The following INPP4B variants were observed in gnomAD, a reference collection of about 807,000 sequenced individuals.
The protein encoded by INPP4B is inositol polyphosphate-4-phosphatase type II B.
Under a neutral mutation model 122.5 loss-of-function variants are expected in INPP4B, and 55 were observed. The observed-to-expected ratio is 0.45, with a 90% CI of 0.36 to 0.56. INPP4B has a LOEUF of 0.56. INPP4B is among the 20% of genes least tolerant of loss of function. The pLI is 0.00. For missense variants in INPP4B, 1,000 were observed against 1,097.7 expected (o/e 0.91, Z 1.26); for synonymous variants, 403 against 388.7 (o/e 1.04, Z -0.43).
chr4:142,227,856 T>TAAAAAAAAAAAAAAAAAAAA (rs60375355), intron 12 of INPP4B, among the ~76,000 whole-genome samples: 7 of 34,216 alleles, frequency 2.0e-4, no homozygotes, highest in African/African-American at 3.2e-4. Flanking sequence ...AGACTCTATC[T>TAAAAAAAAAAAAAAAAAAAA]AAAAAAAAAA....
chr4:142,385,223 C>T (rs1314838417), intron 7 of INPP4B, among the ~76,000 whole-genome samples: 2 of 152,344 alleles, frequency 1.3e-5, no homozygotes, highest in East Asian at 1.9e-4. Flanking sequence ...TACACTCCCA[C>T]TAACAGTGTA....
intron 5 of INPP4B, among the ~76,000 whole-genome samples, chr4:142,408,131 A>G (rs577511821): frequency 6.6e-6 from 1 of 152,340 alleles, no homozygotes; most frequent in South Asian, 2.1e-4. Context: ...CAGTCCCACC[A>G]GACGGCTGAT....
chr4:142,527,751 T>C (rs67641357), intron 2 of INPP4B, among the ~76,000 whole-genome samples: 22,699 of 152,034 alleles, frequency 0.15, 1,743 homozygotes, highest in South Asian at 0.21. Context: ...CTCAGATCTG[T>C]AGGGGTCCTA....
intron 18 of INPP4B, among the ~76,000 whole-genome samples, chr4:142,130,014 G>A (rs1800525465): frequency 6.6e-6 from 1 of 152,186 alleles, no homozygotes; most frequent in South Asian, 2.1e-4. Context: ...ACAGTATAAG[G>A]TGGTATGATA....
chr4:142,727,167 GA>G (rs1179502832), intron 1 of INPP4B, among the ~76,000 whole-genome samples: 1 of 152,174 alleles, frequency 6.6e-6, no homozygotes, highest in African/African-American at 2.4e-5. Flanking sequence ...GCTGGTGGGT[GA>G]AAAAGATTGA....
intron 2 of INPP4B, among the ~76,000 whole-genome samples, chr4:142,466,549 T>G (rs1021770959): frequency 6.6e-6 from 1 of 152,178 alleles, no homozygotes; most frequent in Non-Finnish European, 1.5e-5. Context: ...TGTAAAAGTT[T>G]GAAAAATTTG....
chr4:142,388,886 T>C (rs955176743), intron 7 of INPP4B, among the ~76,000 whole-genome samples: 1 of 152,120 alleles, frequency 6.6e-6, no homozygotes, highest in East Asian at 1.9e-4. Flanking sequence ...GTGCCTTATA[T>C]TAGGCTGTAG....
chr4:142,606,128 G>A (rs1218295845), intron 2 of INPP4B, among the ~76,000 whole-genome samples: 2 of 151,878 alleles, frequency 1.3e-5, no homozygotes, highest in Non-Finnish European at 2.9e-5. Context: ...ATTAAGTTAA[G>A]TGAAATAAGC....
chr4:142,232,189 A>C (rs1854677715), intron 12 of INPP4B, among the ~76,000 whole-genome samples: 1 of 152,206 alleles, frequency 6.6e-6, no homozygotes, highest in South Asian at 2.1e-4. Flanking sequence ...TTTGTTAAAA[A>C]TCATATATTT....
intron 2 of INPP4B, among the ~76,000 whole-genome samples, chr4:142,506,679 C>T (rs1398832969): frequency 6.6e-6 from 1 of 152,150 alleles, no homozygotes; most frequent in Non-Finnish European, 1.5e-5. Context: ...TCCTTTCTTA[C>T]TGTGGGTCAG....
At chr4:142,239,183 A>C (rs1858029721) in intron 11 of INPP4B, among the ~76,000 whole-genome samples, 2 of 152,090 alleles carry the variant, frequency 1.3e-5, no homozygotes, top group South Asian at 4.1e-4. Context: ...CTCTGCAATC[A>C]TCCATTCTCA....
chr4:142,061,035 T>C (rs983060133), intron 25 of INPP4B, among the ~76,000 whole-genome samples: 3 of 152,142 alleles, frequency 2.0e-5, no homozygotes, highest in African/African-American at 7.2e-5. Flanking sequence ...AAAGGGAGTT[T>C]AAAAATTAAG....
chr4:142,227,582 C>G (rs1352558192), intron 12 of INPP4B, among the ~76,000 whole-genome samples: 1 of 151,124 alleles, frequency 6.6e-6, no homozygotes, highest in Non-Finnish European at 1.5e-5. Context: ...AAAATTAGGC[C>G]AGGCATGGTA....
intron 2 of INPP4B, among the ~76,000 whole-genome samples, chr4:142,616,543 C>A (rs1202220802): frequency 6.6e-6 from 1 of 152,072 alleles, no homozygotes; most frequent in East Asian, 1.9e-4. Flanking sequence ...TATTTTTGTA[C>A]CCCAACACTT....
At chr4:142,257,995 C>G (rs1449727195) in intron 11 of INPP4B, among the ~76,000 whole-genome samples, 1 of 152,012 alleles carries the variant, frequency 6.6e-6, no homozygotes, top group Non-Finnish European at 1.5e-5. Flanking sequence ...GTACTGGTAC[C>G]AAAACAGAGA....
chr4:142,424,934 A>G (rs1045990278), intron 5 of INPP4B, among the ~76,000 whole-genome samples: 1 of 152,084 alleles, frequency 6.6e-6, no homozygotes, highest in African/African-American at 2.4e-5. Flanking sequence ...ATATAAAATT[A>G]CACCAGCTAA....
chr4:142,557,127 G>A (rs539249290), intron 2 of INPP4B, among the ~76,000 whole-genome samples: 36 of 152,108 alleles, frequency 2.4e-4, no homozygotes, highest in Non-Finnish European at 2.5e-4. Flanking sequence ...AGGAGTGAGC[G>A]TCTTTTAAGC....
intron 1 of INPP4B, among the ~76,000 whole-genome samples, chr4:142,777,306 A>C (rs1006944290): frequency 6.6e-6 from 1 of 152,276 alleles, no homozygotes; most frequent in African/African-American, 2.4e-5. Flanking sequence ...GGAGAGAGAT[A>C]GAGAGAGAAT....
chr4:142,525,233 A>G (rs926770496), intron 2 of INPP4B, among the ~76,000 whole-genome samples: 1 of 152,106 alleles, frequency 6.6e-6, no homozygotes. Context: ...TCACTGAAAT[A>G]AAAGAGGATA....
Sources: gnomAD v4.1 joint callset for allele counts (sites outside exome capture counted in the v4.1 genomes callset) on GRCh38, gnomAD v4.1.1 for gene constraint, MANE v1.5 for transcripts, NCBI Gene and HGNC (gene_info 2026-07-23, HGNC 2026-07-21) for gene names.